The following COG6 variants were observed in gnomAD, a reference collection of about 807,000 sequenced individuals.
COG6 encodes component of oligomeric golgi complex 6, also known as conserved oligomeric Golgi complex subunit 6.
Under a neutral mutation model 88.8 loss-of-function variants are expected in COG6, and 74 were observed. The ratio of observed to expected loss-of-function variants is 0.83; its 90% CI spans 0.69 to 1.01. COG6 has a LOEUF of 1.01. COG6 is among the 50% of genes least tolerant of loss of function. COG6 has a pLI of 0.00. For synonymous variants in COG6, 286 were observed against 278.7 expected, an observed-to-expected ratio of 1.03 and a Z score of -0.26; for missense variants, 800 against 797.9, an observed-to-expected ratio of 1.00 and a Z score of -0.03.
chr13:39,747,880 A>T (rs1880423549), intron 18 of COG6, among the ~76,000 whole-genome samples: 1 of 152,210 alleles, frequency 6.6e-6, no homozygotes, highest in African/African-American at 2.4e-5. Context: ...CAACAATACT[A>T]CATTTACAAG....
intron 18 of COG6, among the ~76,000 whole-genome samples, chr13:39,774,408 ACT>A (rs1881404625): frequency 6.6e-6 from 1 of 151,276 alleles, no homozygotes; most frequent in Non-Finnish European, 1.5e-5. Flanking sequence ...ATGCTCAAAA[ACT>A]CTTTGGTGGT....
At chr13:39,655,998 G>A in intron 1 of COG6, 119 bp downstream of exon 1, 1 of 1,286,326 alleles carries the variant, frequency 7.8e-7, no homozygotes, top group Non-Finnish European at 1.1e-6. Flanking sequence ...GGGACCGCGA[G>A]TGACCCCAGA....
Position 39,703,899 on chromosome 13 carries a change from A to AT in COG6, c.1284+4294dup, listed in dbSNP as rs1414943914. 2.5e-3 allele frequency among the ~76,000 whole-genome samples: 362 copies of AT among 147,518 alleles called. 1 individual carries two copies. The highest frequency in any genetic ancestry group is 5.3e-3 in the African/African-American group (212 of 40,226). On this transcript the variant is annotated intron_variant, in intron 13 of 18. Coordinates refer to ENST00000455146, the MANE Select transcript of COG6 (RefSeq NM_020751.3). ...ATGCCACCATGCCCAGCTAATTTAA[A>AT]TTTTTTTTTTTTTCTGTAGAGACAT...
intron 18 of COG6, among the ~76,000 whole-genome samples, chr13:39,748,304 A>G: frequency 6.6e-6 from 1 of 152,156 alleles, no homozygotes; most frequent in East Asian, 1.9e-4. Flanking sequence ...AGGAAAGACC[A>G]CTAATCAATA....
chr13:39,686,002 T>C (rs1593424548), intron 8 of COG6, among the ~76,000 whole-genome samples: 1 of 152,228 alleles, frequency 6.6e-6, no homozygotes, highest in African/African-American at 2.4e-5. Context: ...TATAGCTATT[T>C]GCCAGTTCTA....
At chr13:39,764,990 G>T (rs2138169108) in intron 18 of COG6, among the ~76,000 whole-genome samples, 1 of 152,136 alleles carries the variant, frequency 6.6e-6, no homozygotes, top group East Asian at 1.9e-4. Flanking sequence ...TGTATTTTTA[G>T]TTTTGTCAGT....
intron 18 of COG6, among the ~76,000 whole-genome samples, chr13:39,746,765 A>G (rs994115051): frequency 3.9e-5 from 6 of 152,188 alleles, no homozygotes; most frequent in East Asian, 1.9e-4. Flanking sequence ...ATGAATTTAC[A>G]TAGTAATTAT....
At chr13:39,722,248 T>G (rs1174507386) in intron 15 of COG6, among the ~76,000 whole-genome samples, 1 of 152,008 alleles carries the variant, frequency 6.6e-6, no homozygotes, top group Admixed American at 6.6e-5. Context: ...ACTTTGTTTT[T>G]CTTTGGTTTC....
At chr13:39,725,978 A>C (rs957732450) in intron 17 of COG6, among the ~76,000 whole-genome samples, 1 of 151,914 alleles carries the variant, frequency 6.6e-6, no homozygotes, top group Non-Finnish European at 1.5e-5. Context: ...AGTCTGTAAT[A>C]CAACTCATAA....
chr13:39,665,567 A>T (rs1213038421), intron 4 of COG6, among the ~76,000 whole-genome samples: 1 of 152,190 alleles, frequency 6.6e-6, no homozygotes, highest in African/African-American at 2.4e-5. Context: ...TAGTTTATAC[A>T]ATAGGTATAC....
chr13:39,655,927 G>T (rs1282125108), intron 1 of COG6, 48 bp downstream of exon 1: 1 of 1,576,484 alleles, frequency 6.3e-7, no homozygotes, highest in African/African-American at 1.3e-5. Context: ...GCGGGGCTGA[G>T]CCGGGCCAGG....
At chr13:39,676,579 C>T (rs1258946987) in intron 4 of COG6, among the ~76,000 whole-genome samples, 6 of 152,086 alleles carry the variant, frequency 3.9e-5, no homozygotes, top group Non-Finnish European at 8.8e-5. Context: ...AAACCTCCAT[C>T]CCAAAGGTGC....
intron 13 of COG6, among the ~76,000 whole-genome samples, chr13:39,710,844 C>CT (rs11288000): frequency 1.6e-4 from 24 of 147,952 alleles, no homozygotes; most frequent in African/African-American, 5.7e-4. Context: ...TGGTTCTTTT[C>CT]TTTTTTTTTT....
chr13:39,753,369 G>A (rs1880730105), downstream of COG6, among the ~76,000 whole-genome samples: 2 of 152,144 alleles, frequency 1.3e-5, no homozygotes, highest in Admixed American at 1.3e-4. Context: ...CCAGAACTGG[G>A]AGAAATAAAT....
At chr13:39,787,958 T>C (rs1489615948) in intron 18 of COG6, among the ~76,000 whole-genome samples, 1 of 152,148 alleles carries the variant, frequency 6.6e-6, no homozygotes, top group Non-Finnish European at 1.5e-5. Context: ...GAAAACTGTA[T>C]ATATTTCATT....
chr13:39,719,384 T>C lies in COG6; in HGVS notation c.1416+17T>C, dbSNP rs568178238. 5.0e-6 allele frequency: 8 copies of C among 1,609,000 alleles called. No homozygotes were observed. The African/African-American group carries it at 9.3e-5, about 19-fold the overall frequency. ...TTTGTGCAGGTATGTTATAAATTCA[T>C]TTTTAATGATTGTTTTTTGCTCTTC... On this transcript the variant is annotated intron_variant, in intron 14 of 18. Coordinates refer to ENST00000455146, the MANE Select transcript of COG6 (RefSeq NM_020751.3).
Position 39,752,193 on chromosome 13 carries a change from C to T in COG6, c.*1100C>T, listed in dbSNP as rs1170832985. The T allele has an allele frequency of 4.5e-6, 5 of 1,122,108 alleles. No homozygotes were observed. The South Asian group carries it at 8.0e-5, about 18-fold the overall frequency. 69.5% of individuals were successfully genotyped at this position (1,122,108 alleles called of 1,614,324 possible). On this transcript the variant is annotated 3_prime_UTR_variant, in exon 19 of 19. Transcript: ENST00000455146. ...GTAAATCTATAAAAATGGGTAAGTC[C>T]CTAAATTACAAATGAGAAAATTGAA...
intron 17 of COG6, among the ~76,000 whole-genome samples, chr13:39,726,902 T>C (rs1593455228): frequency 6.6e-6 from 1 of 152,042 alleles, no homozygotes; most frequent in Non-Finnish European, 1.5e-5. Context: ...CCTTGATTTA[T>C]GCTTTATAGT....
At chr13:39,735,187 C>G (rs1465462272) in intron 18 of COG6, among the ~76,000 whole-genome samples, 2 of 151,592 alleles carry the variant, frequency 1.3e-5, no homozygotes, top group African/African-American at 4.8e-5. Context: ...TCTTTCCTTC[C>G]TTCTTGTCTC....
Sources: allele counts gnomAD v4.1 joint callset (sites outside exome capture counted in the v4.1 genomes callset), GRCh38; gene constraint gnomAD v4.1.1; transcripts MANE v1.5; gene names NCBI Gene and HGNC (gene_info 2026-07-23, HGNC 2026-07-21).